Variants in TNKS observed in about 807,000 individuals in gnomAD.
TNKS encodes the protein tankyrase, also known as poly [ADP-ribose] polymerase tankyrase-1.
In TNKS, 72 loss-of-function variants were observed where a neutral mutation model predicts 135.8. The observed-to-expected ratio is 0.53, with a 90% CI of 0.44 to 0.64. The LOEUF (loss-of-function observed/expected upper bound fraction) is 0.64, where lower values mean the gene tolerates loss of function less well. TNKS is among the 30% of genes least tolerant of loss of function. The probability of loss-of-function intolerance (pLI) is 0.00; values close to 1 mark genes in which losing one functional copy is unlikely to be tolerated. For missense variants in TNKS, 1,769 were observed against 1,674.0 expected, an observed-to-expected ratio of 1.06 and a Z score of -0.99; for synonymous variants, 849 against 649.3, an observed-to-expected ratio of 1.31 and a Z score of -4.68.
At chr8:9,636,616 CT>C (rs1340807014) in intron 3 of TNKS, among the ~76,000 whole-genome samples, 1 of 152,122 alleles carries the variant, frequency 6.6e-6, no homozygotes, top group African/African-American at 2.4e-5. Context: ...TGCTTTCTAT[CT>C]TGTTCTGAAG....
intron 3 of TNKS, among the ~76,000 whole-genome samples, chr8:9,666,514 G>A (rs1801996013): frequency 6.6e-6 from 1 of 152,132 alleles, no homozygotes; most frequent in Non-Finnish European, 1.5e-5. Context: ...GAGGCCAGGA[G>A]TTCGAGACCA....
At chr8:9,586,917 G>A (rs1048503321) in intron 2 of TNKS, among the ~76,000 whole-genome samples, 3 of 151,954 alleles carry the variant, frequency 2.0e-5, no homozygotes, top group Non-Finnish European at 2.9e-5. Flanking sequence ...AACAGGAGTC[G>A]GCGTACCTGG....
At chr8:9,709,564 G>A (rs1308629252) in intron 9 of TNKS, among the ~76,000 whole-genome samples, 1 of 152,148 alleles carries the variant, frequency 6.6e-6, no homozygotes, top group Admixed American at 6.5e-5. Context: ...TACCTCTGTA[G>A]AAGAGCTTAG....
intron 3 of TNKS, among the ~76,000 whole-genome samples, chr8:9,625,438 C>A (rs2128769256): frequency 6.6e-6 from 1 of 151,384 alleles, no homozygotes; most frequent in Non-Finnish European, 1.5e-5. Flanking sequence ...ATTTTGGGCT[C>A]ATTTTGCTCT....
intron 3 of TNKS, among the ~76,000 whole-genome samples, chr8:9,678,642 G>T (rs1269616083): frequency 6.6e-6 from 1 of 152,154 alleles, no homozygotes; most frequent in African/African-American, 2.4e-5. Flanking sequence ...TAAAGCTAAA[G>T]AATATTTGCT....
At chr8:9,615,699 G>T in intron 3 of TNKS, 22 bp downstream of exon 3, 1 of 1,568,616 alleles carries the variant, frequency 6.4e-7, no homozygotes, top group South Asian at 1.1e-5. Flanking sequence ...GAGAGCTACC[G>T]AATGATTATA....
intron 1 of TNKS, among the ~76,000 whole-genome samples, chr8:9,563,689 G>C (rs1222518758): frequency 1.3e-5 from 2 of 151,814 alleles, no homozygotes; most frequent in African/African-American, 4.8e-5. Flanking sequence ...TCTAACTCAG[G>C]CACATGCTAT....
In TNKS at chr8:9,575,239, A is replaced by G. The variant is rs2129052334; in HGVS notation, c.674-4920A>G. On this transcript the variant is annotated intron_variant, in intron 1 of 26. Transcript: ENST00000310430. Reference sequence around the variant, plus strand: ...GTAGCTGGGACTACAGGCGCCCGCCACCACGCAGGGCTAATTTTTTGTATA... The same window carrying G: ...GTAGCTGGGACTACAGGCGCCCGCCGCCACGCAGGGCTAATTTTTTGTATA... The G allele has an allele frequency of 8.3e-6, 4 of 480,014 alleles. No homozygotes were observed. The Middle Eastern group carries it at 4.1e-3, about 497-fold the overall frequency. 29.7% of individuals were successfully genotyped at this position (480,014 alleles called of 1,614,324 possible).
At chr8:9,733,671 A>G (rs1437706627) in intron 15 of TNKS, among the ~76,000 whole-genome samples, 1 of 152,180 alleles carries the variant, frequency 6.6e-6, no homozygotes, top group Non-Finnish European at 1.5e-5. Flanking sequence ...AAATTCATCA[A>G]AGTAGGTTTT....
At chr8:9,731,497 C>T (rs1042192893) in intron 14 of TNKS, among the ~76,000 whole-genome samples, 1 of 141,514 alleles carries the variant, frequency 7.1e-6, no homozygotes, top group African/African-American at 2.6e-5. Flanking sequence ...TAGAAATGTA[C>T]AGTATAGAAA....
chr8:9,752,191 T>A (rs116325450), intron 19 of TNKS, among the ~76,000 whole-genome samples: 3,419 of 152,270 alleles, frequency 0.022, 119 homozygotes, highest in African/African-American at 0.078. Context: ...CATTAAAAGC[T>A]TTAGATGTTT....
intron 3 of TNKS, among the ~76,000 whole-genome samples, chr8:9,624,030 A>G (rs961384178): frequency 1.5e-5 from 2 of 130,586 alleles, no homozygotes; most frequent in East Asian, 2.3e-4. Context: ...CAACAACAAC[A>G]ACAACAACAA....
intron 3 of TNKS, among the ~76,000 whole-genome samples, chr8:9,660,371 TC>T (rs1411266949): frequency 6.6e-6 from 1 of 151,972 alleles, no homozygotes; most frequent in Non-Finnish European, 1.5e-5. Context: ...CAGCAACACA[TC>T]AAAAAGCTTA....
chr8:9,708,692 A>T (rs1256458210), intron 9 of TNKS, among the ~76,000 whole-genome samples, 200 bp downstream of exon 9: 1 of 152,044 alleles, frequency 6.6e-6, no homozygotes, highest in Non-Finnish European at 1.5e-5. Context: ...CATTTGCTCA[A>T]CCTCAATTTG....
chr8:9,740,071 A>G (rs1805854952), intron 17 of TNKS, among the ~76,000 whole-genome samples: 1 of 149,948 alleles, frequency 6.7e-6, no homozygotes, highest in East Asian at 1.9e-4. Flanking sequence ...AAAAAAAAAA[A>G]AAAAAAAAAG....
intron 1 of TNKS, chr8:9,556,883 A>G (rs1815340417): frequency 1.8e-6 from 1 of 549,664 alleles, no homozygotes; most frequent in East Asian, 2.9e-5. Flanking sequence ...GCATATGGAT[A>G]TATTTACACT....
chr8:9,678,772 G>T (rs1417719294), intron 3 of TNKS, among the ~76,000 whole-genome samples: 2 of 152,092 alleles, frequency 1.3e-5, no homozygotes, highest in Non-Finnish European at 2.9e-5. Context: ...TTACACATAA[G>T]ATTTTTTAAA....
Position 9,760,643 on chromosome 8 carries a change from C to T in TNKS, c.3154-873C>T, listed in dbSNP as rs181662012. 5.9e-5 allele frequency among the ~76,000 whole-genome samples: 9 copies of T among 152,234 alleles called. No individual in the cohort carries two copies. In the East Asian group the frequency reaches 1.2e-3, roughly 20 times the overall value. On this transcript the variant is annotated intron_variant, in intron 20 of 26. Coordinates refer to ENST00000310430, the MANE Select transcript of TNKS (RefSeq NM_003747.3). The stretch of plus-strand genomic sequence containing the variant: ...AGGGCTGGAAAATTGCATGTTCAGC[C>T]TTCAAGAAATGTGGCTACCCGCGTT...
At chr8:9,560,328 G>T (rs117059190) in intron 1 of TNKS, among the ~76,000 whole-genome samples, 3,552 of 151,768 alleles carry the variant, frequency 0.023, 55 homozygotes, top group Non-Finnish European at 0.04. Flanking sequence ...TAACATATAC[G>T]ACTTGGATTA....
Sources: gnomAD v4.1 joint callset for allele counts (sites outside exome capture counted in the v4.1 genomes callset) on GRCh38, gnomAD v4.1.1 for gene constraint, MANE v1.5 for transcripts, NCBI Gene and HGNC (gene_info 2026-07-23, HGNC 2026-07-21) for gene names.